Variants in PCGF5 observed in about 807,000 individuals in gnomAD.
The protein encoded by PCGF5 is polycomb group RING finger protein 5.
A neutral mutation model predicts 44.3 loss-of-function variants in PCGF5; 9 were observed. The observed-to-expected ratio is 0.20, with a 90% CI of 0.12 to 0.35. The LOEUF (loss-of-function observed/expected upper bound fraction) is 0.35, where lower values mean the gene tolerates loss of function less well. Ranked by LOEUF, PCGF5 falls within the 10% of genes least tolerant of loss-of-function variation. The probability of loss-of-function intolerance (pLI) is 1.00; values close to 1 mark genes in which losing one functional copy is unlikely to be tolerated. For synonymous variants in PCGF5, 95 were observed against 102.5 expected (o/e 0.93, Z 0.44); for missense variants, 146 against 305.3 (o/e 0.48, Z 3.89).
At chr10:91,207,760 A>C (rs1031223224) in intron 1 of PCGF5, among the ~76,000 whole-genome samples, 1 of 152,158 alleles carries the variant, frequency 6.6e-6, no homozygotes, top group Non-Finnish European at 1.5e-5. Context: ...TGTTTTGTAA[A>C]ATGGCCCTCA....
rs552107547 is a variant in PCGF5, at chr10:91,206,248, C to T, written c.-183-16441C>T. The stretch of plus-strand genomic sequence containing the variant: ...TGAACAGCAGAACTCGGAGAAAAAG[C>T]AGGTTTGATTAAAGGAGAATGGAAA... On this transcript the variant is annotated intron_variant, in intron 1 of 9. Coordinates refer to the PCGF5 transcript ENST00000614189. Among the ~76,000 whole-genome samples the T allele has an allele frequency of 3.3e-5, 5 of 152,092 alleles. No homozygotes were observed. In the South Asian group the frequency reaches 1.0e-3, roughly 32 times the overall value.
At chr10:91,227,617 G>C (rs770056674) in intron 2 of PCGF5, 18 of 1,130,382 alleles carry the variant, frequency 1.6e-5, no homozygotes, top group Non-Finnish European at 2.0e-5. Context: ...TCTTAACTGT[G>C]TCCAAGTGGT....
At chr10:91,237,385 A>G (rs1311345878) in intron 2 of PCGF5, among the ~76,000 whole-genome samples, 1 of 152,194 alleles carries the variant, frequency 6.6e-6, no homozygotes, top group Non-Finnish European at 1.5e-5. Flanking sequence ...TACTAAAACT[A>G]TCTGAAAAAA....
At chr10:91,165,006 C>T (rs996371172) in intron 1 of PCGF5, among the ~76,000 whole-genome samples, 2 of 152,176 alleles carry the variant, frequency 1.3e-5, no homozygotes, top group African/African-American at 4.8e-5. Context: ...ATATGAAACA[C>T]TTAGTATTTG....
At chr10:91,162,517 C>T (rs980016343), upstream of PCGF5, among the ~76,000 whole-genome samples, 2 of 152,136 alleles carry the variant, frequency 1.3e-5, no homozygotes, top group African/African-American at 4.8e-5. Flanking sequence ...CCCTCAGAGG[C>T]TGTACGATTC....
At chr10:91,227,485 T>C in intron 2 of PCGF5, 4 of 1,279,564 alleles carry the variant, frequency 3.1e-6, no homozygotes, top group Non-Finnish European at 4.1e-6. Flanking sequence ...CTAACAAAAC[T>C]GGGCAAAGTC....
intron 1 of PCGF5, among the ~76,000 whole-genome samples, chr10:91,163,870 C>A (rs914662258): frequency 6.6e-6 from 1 of 152,144 alleles, no homozygotes; most frequent in Non-Finnish European, 1.5e-5. Flanking sequence ...GACGTGCCCG[C>A]TGCTCCCATC....
upstream of PCGF5, among the ~76,000 whole-genome samples, chr10:91,159,492 T>C (rs1448450705): frequency 1.3e-5 from 2 of 152,130 alleles, no homozygotes; most frequent in Non-Finnish European, 2.9e-5. Context: ...CAGTGTCTTT[T>C]CACTATGTAA....
At chr10:91,271,105 T>TATATATATATATAATCTA (rs1554852229) in intron 8 of PCGF5, among the ~76,000 whole-genome samples, 11 of 149,484 alleles carry the variant, frequency 7.4e-5, no homozygotes, top group African/African-American at 2.2e-4. Flanking sequence ...TCTAATGCTA[T>TATATATATATATAATCTA]ATATATATAT....
intron 1 of PCGF5, among the ~76,000 whole-genome samples, chr10:91,200,552 T>C (rs1844233065): frequency 6.6e-6 from 1 of 152,200 alleles, no homozygotes; most frequent in South Asian, 2.1e-4. Flanking sequence ...GTTGAGGTGC[T>C]GCTATAAGGG....
chr10:91,172,686 T>A (rs1300919311), intron 1 of PCGF5, among the ~76,000 whole-genome samples: 1 of 152,246 alleles, frequency 6.6e-6, no homozygotes, highest in East Asian at 1.9e-4. Flanking sequence ...TCATAACTTT[T>A]GTGTTTGCCC....
At chr10:91,264,542 C>T in intron 8 of PCGF5, 22 bp downstream of exon 8, 1 of 1,537,434 alleles carries the variant, frequency 6.5e-7, no homozygotes, top group Non-Finnish European at 8.9e-7. Context: ...TTATATTTAC[C>T]TATGTGTTTA....
At chr10:91,174,137 A>C (rs550696514) in intron 1 of PCGF5, among the ~76,000 whole-genome samples, 1 of 151,166 alleles carries the variant, frequency 6.6e-6, no homozygotes, top group East Asian at 2.0e-4. Context: ...ATTGGGCTAC[A>C]ACTTGGGCCA....
At chr10:91,225,672 G>T (rs907799323) in intron 2 of PCGF5, among the ~76,000 whole-genome samples, 2 of 151,590 alleles carry the variant, frequency 1.3e-5, no homozygotes, top group African/African-American at 4.8e-5. Context: ...TATCCCACTT[G>T]CAAGGTATTC....
At chr10:91,161,679 T>C (rs944451509), upstream of PCGF5, among the ~76,000 whole-genome samples, 2 of 152,138 alleles carry the variant, frequency 1.3e-5, no homozygotes, top group Admixed American at 1.3e-4. Context: ...GGGGAGGAGA[T>C]ATAGAGACGC....
chr10:91,181,651 T>C (rs1843820909), intron 1 of PCGF5, among the ~76,000 whole-genome samples: 1 of 152,228 alleles, frequency 6.6e-6, no homozygotes, highest in South Asian at 2.1e-4. Flanking sequence ...TTTAGTTCTG[T>C]TTATGTGATA....
At chr10:91,199,408 A>G (rs890725469) in intron 1 of PCGF5, among the ~76,000 whole-genome samples, 3 of 152,216 alleles carry the variant, frequency 2.0e-5, no homozygotes, top group Non-Finnish European at 4.4e-5. Context: ...GACTTGGGCC[A>G]AGATGGCCAG....
rs142539040 is a variant in PCGF5 at position 91,186,791 on chromosome 10, C to T, written c.-184+23710C>T. 5.3e-3 allele frequency among the ~76,000 whole-genome samples: 801 copies of T among 152,178 alleles called. 7 individuals carry two copies. Among genetic ancestry groups the T allele is most frequent in the African/African-American group, 0.018 (747 of 41,494 alleles). ...GGACTTGCCTCTAACATTCTTTCCACGTATAGGGAGCTGTCCCAGCTGGTT... is the reference window on the plus strand; with the variant it reads ...GGACTTGCCTCTAACATTCTTTCCATGTATAGGGAGCTGTCCCAGCTGGTT... On this transcript the variant is annotated intron_variant, in intron 1 of 9. Transcript: ENST00000614189.
intron 1 of PCGF5, among the ~76,000 whole-genome samples, chr10:91,168,427 G>GAGACCATCGTCAGTA (rs1246151051): frequency 1.3e-5 from 2 of 152,208 alleles, no homozygotes; most frequent in Non-Finnish European, 2.9e-5. Context: ...ATTTGTCAGT[G>GAGACCATCGTCAGTA]AGACCATCGT....
Sources: allele counts gnomAD v4.1 joint callset (sites outside exome capture counted in the v4.1 genomes callset), GRCh38; gene constraint gnomAD v4.1.1; transcripts MANE v1.5; gene names NCBI Gene and HGNC (gene_info 2026-07-23, HGNC 2026-07-21).